CRACDL: variants seen among roughly 807,000 people sequenced by gnomAD.
CRACDL encodes CRACD like.
CRACDL carries 26 observed loss-of-function variants against 70.6 expected under a neutral mutation model. That is an observed-to-expected ratio of 0.37 (90% CI 0.27 to 0.51). The LOEUF (loss-of-function observed/expected upper bound fraction) is 0.51, where lower values mean the gene tolerates loss of function less well. CRACDL is among the 20% of genes least tolerant of loss of function. The pLI is 0.94. For synonymous variants in CRACDL, 618 were observed against 615.2 expected, an observed-to-expected ratio of 1.00 and a Z score of -0.07; for missense variants, 1,283 against 1,376.9, an observed-to-expected ratio of 0.93 and a Z score of 1.08.
chr2:98,854,546 T>A (rs148258926), intron 1 of CRACDL, among the ~76,000 whole-genome samples: 1 of 151,862 alleles, frequency 6.6e-6, no homozygotes. Flanking sequence ...AAGTGACTGG[T>A]AGAGAGAAAA....
intron 9 of CRACDL, among the ~76,000 whole-genome samples, chr2:98,795,077 A>ATTTTTTTTTT (rs1181969802): frequency 0.064 from 3,712 of 58,018 alleles, 584 homozygotes; most frequent in South Asian, 0.086. Flanking sequence ...ATATATATAT[A>ATTTTTTTTTT]TTTTTTTTTT....
At chr2:98,898,393 C>A (rs1708182849) in intron 1 of CRACDL, among the ~76,000 whole-genome samples, 1 of 152,216 alleles carries the variant, frequency 6.6e-6, no homozygotes, top group Non-Finnish European at 1.5e-5. Context: ...TGACAAGTGA[C>A]AAATGTGAGG....
chr2:98,805,305 C>T (rs191923089), intron 7 of CRACDL, among the ~76,000 whole-genome samples: 4 of 152,052 alleles, frequency 2.6e-5, no homozygotes, highest in East Asian at 1.9e-4. Context: ...CAAAACCCCC[C>T]CTAAGACAGG....
intron 1 of CRACDL, among the ~76,000 whole-genome samples, chr2:98,847,111 TATAAGAA>T (rs1706293019): frequency 6.6e-6 from 1 of 152,228 alleles, no homozygotes; most frequent in Non-Finnish European, 1.5e-5. Context: ...TTTCTCAAAT[TATAAGAA>T]ATGATTTTTT....
intron 1 of CRACDL, among the ~76,000 whole-genome samples, chr2:98,899,780 C>G (rs1469184251): frequency 3.3e-5 from 5 of 151,706 alleles, no homozygotes; most frequent in Admixed American, 6.6e-5. Context: ...GACAGAGGCT[C>G]AGCAGGAGGG....
At chr2:98,806,360 TATTGGG>T in intron 7 of CRACDL, among the ~76,000 whole-genome samples, 1 of 152,384 alleles carries the variant, frequency 6.6e-6, no homozygotes, top group Middle Eastern at 3.4e-3. Flanking sequence ...CAGCCATGTG[TATTGGG>T]GGCACCCCAA....
intron 1 of CRACDL, among the ~76,000 whole-genome samples, chr2:98,849,233 G>A (rs1314538694): frequency 2.0e-5 from 3 of 152,226 alleles, no homozygotes; most frequent in Non-Finnish European, 4.4e-5. Context: ...GTCTGATGGG[G>A]TTTCTTCGTC....
At chr2:98,878,659 T>C (rs544329319) in intron 1 of CRACDL, among the ~76,000 whole-genome samples, 230 of 152,320 alleles carry the variant, frequency 1.5e-3, no homozygotes, top group Middle Eastern at 6.8e-3. Flanking sequence ...AACCAACATA[T>C]GAAACAGGTA....
rs1333242699 is a variant in CRACDL, at chr2:98,873,731, C to T, written c.-10-26921G>A. On this transcript the variant is annotated intron_variant, in intron 1 of 9. Coordinates refer to ENST00000397899, the MANE Select transcript of CRACDL (RefSeq NM_207362.3). ...TGAAATAACTCCACAATTGGCTGGG[C>T]GTGGTGGCTCATGCCTGGAATCCCA... 5.3e-5 allele frequency among the ~76,000 whole-genome samples: 8 copies of T among 152,248 alleles called. No homozygotes were observed. In the South Asian group the frequency reaches 6.2e-4, roughly 12 times the overall value.
intron 1 of CRACDL, among the ~76,000 whole-genome samples, chr2:98,906,381 C>T (rs1377136859): frequency 3.9e-5 from 6 of 152,066 alleles, no homozygotes; most frequent in African/African-American, 1.4e-4. Context: ...CCTGCCTCAG[C>T]CTCCTGAGTA....
At chr2:98,837,740 A>G (rs1705859040) in intron 3 of CRACDL, among the ~76,000 whole-genome samples, 1 of 152,118 alleles carries the variant, frequency 6.6e-6, no homozygotes, top group Non-Finnish European at 1.5e-5. Context: ...TTAACGTTCA[A>G]CTTTAGAGAA....
intron 1 of CRACDL, among the ~76,000 whole-genome samples, chr2:98,883,198 G>C (rs2104619741): frequency 6.6e-6 from 1 of 152,346 alleles, no homozygotes; most frequent in East Asian, 1.9e-4. Context: ...TGTGCCCATT[G>C]GGAGCAGGGG....
intron 6 of CRACDL, among the ~76,000 whole-genome samples, chr2:98,825,739 A>C (rs1705274686): frequency 6.6e-6 from 1 of 152,236 alleles, no homozygotes; most frequent in Admixed American, 6.5e-5. Context: ...AGGCACAAGT[A>C]TCCTGGTTCC....
chr2:98,889,512 C>A (rs902527292), intron 1 of CRACDL, among the ~76,000 whole-genome samples: 2 of 151,848 alleles, frequency 1.3e-5, no homozygotes, highest in African/African-American at 4.8e-5. Context: ...TATCAGAGGC[C>A]AAAAATACAT....
At chr2:98,847,514 G>A (rs903083616) in intron 1 of CRACDL, among the ~76,000 whole-genome samples, 1 of 152,080 alleles carries the variant, frequency 6.6e-6, no homozygotes, top group Non-Finnish European at 1.5e-5. Context: ...CCACTCCTAT[G>A]AGGTGATTTC....
intron 3 of CRACDL, 113 bp downstream of exon 3, chr2:98,838,006 C>T (rs1182471569): frequency 1.2e-6 from 1 of 863,272 alleles, no homozygotes; most frequent in Non-Finnish European, 1.7e-6. Flanking sequence ...ATGGAAGAAC[C>T]TCTAATGGAA....
intron 2 of CRACDL, among the ~76,000 whole-genome samples, chr2:98,841,808 C>CA (rs1298328678): frequency 1.3e-5 from 2 of 152,230 alleles, no homozygotes; most frequent in South Asian, 2.1e-4. Context: ...CATTTAATGG[C>CA]AAAAACAGCA....
intron 1 of CRACDL, among the ~76,000 whole-genome samples, chr2:98,928,776 T>G (rs1219014979): frequency 6.6e-6 from 1 of 152,054 alleles, no homozygotes; most frequent in Non-Finnish European, 1.5e-5. Flanking sequence ...TCAAAATGCT[T>G]GTATTTGTCT....
In CRACDL at chr2:98,833,211, AG is replaced by A. The variant is rs372696751; in HGVS notation, c.240-215del. Among the ~76,000 whole-genome samples, 685 of 152,354 alleles carry A rather than the reference AG, an allele frequency of 4.5e-3. 1 individual carries two copies. Among genetic ancestry groups the A allele is most frequent in the African/African-American group, 0.015 (611 of 41,582 alleles). ...GCATTGCAGAGATAGGAATTTTCCTAGGAGATCTAAAGGTTGTGTGAATTAT... is the reference window on the plus strand; with the variant it reads ...GCATTGCAGAGATAGGAATTTTCCTAGAGATCTAAAGGTTGTGTGAATTAT... On this transcript the variant is annotated intron_variant, in intron 3 of 9. Transcript: ENST00000397899.
Sources: gnomAD v4.1 joint callset for allele counts (sites outside exome capture counted in the v4.1 genomes callset) on GRCh38, gnomAD v4.1.1 for gene constraint, MANE v1.5 for transcripts, NCBI Gene and HGNC (gene_info 2026-07-23, HGNC 2026-07-21) for gene names.